Variants in NID1 observed in about 807,000 individuals in gnomAD.
NID1 encodes nidogen 1, also known as nidogen-1.
Under a neutral mutation model 130.6 loss-of-function variants are expected in NID1, and 76 were observed. That is an observed-to-expected ratio of 0.58 (90% confidence interval 0.48 to 0.70). NID1 has a LOEUF of 0.70. Among genes scored for constraint, NID1 ranks in the 30% least tolerant of loss-of-function variants. The pLI, the probability that NID1 is intolerant of heterozygous loss-of-function variation, is 0.00. For synonymous variants in NID1, 665 were observed against 675.1 expected (o/e 0.98, Z 0.23); for missense variants, 1,517 against 1,664.8 (o/e 0.91, Z 1.54).
At position 236,031,877 on chromosome 1, in the gene NID1, A is replaced by G. The variant is rs186286024; in HGVS notation, c.1537+524T>C. 1.5e-3 allele frequency among the ~76,000 whole-genome samples: 221 copies of G among 152,336 alleles called. 1 individual carries two copies. The highest frequency in any genetic ancestry group is 5.0e-3 in the African/African-American group (209 of 41,568). On this transcript the variant is annotated intron_variant, in intron 6 of 19. Coordinates refer to ENST00000264187, the MANE Select transcript of NID1 (RefSeq NM_002508.3). The stretch of plus-strand genomic sequence containing the variant: ...ACAGTCTCTAAAAAACTCCAAGGAT[A>G]TCTAGGCTTCCTAAGACTTCTGAGG...
At chr1:236,037,971 C>A (rs1318523174) in intron 5 of NID1, 133 bp downstream of exon 5, 1 of 1,024,268 alleles carries the variant, frequency 9.8e-7, no homozygotes. Context: ...AAAGAGAGAC[C>A]ATGTATGGCT....
intron 1 of NID1, among the ~76,000 whole-genome samples, chr1:236,063,712 AGG>A (rs1660109116): frequency 6.6e-6 from 1 of 152,172 alleles, no homozygotes; most frequent in Non-Finnish European, 1.5e-5. Flanking sequence ...GCTTGAGCCA[AGG>A]AGTTGGAGGC....
chr1:236,060,920 T>G (rs1458602360), intron 1 of NID1: 4 of 152,124 alleles, frequency 2.6e-5, no homozygotes, highest in Admixed American at 6.5e-5. Flanking sequence ...AACCTGAATA[T>G]AGATATCAGA....
chr1:236,017,847 C>T (rs1197230637), intron 9 of NID1, among the ~76,000 whole-genome samples: 2 of 152,096 alleles, frequency 1.3e-5, no homozygotes, highest in Non-Finnish European at 2.9e-5. Flanking sequence ...CGAGTCTTTC[C>T]CATTAGATTG....
rs1040976715 is a variant in NID1, at chr1:236,025,774, A to G, written c.1984+122T>C. ...AACAAGACATTCTTTTTTTCCTGCCAGAAGATACTTTAGCATAATTTTCTT... is the reference window on the plus strand; with the variant it reads ...AACAAGACATTCTTTTTTTCCTGCCGGAAGATACTTTAGCATAATTTTCTT... On this transcript the variant is annotated intron_variant, in intron 8 of 19. Coordinates refer to ENST00000264187, the MANE Select transcript of NID1 (RefSeq NM_002508.3). 41 of 1,329,552 alleles carry G rather than the reference A, an allele frequency of 3.1e-5. No homozygotes were observed. The African/African-American group carries it at 3.2e-4, about 10-fold the overall frequency. 82.4% of individuals were successfully genotyped at this position (1,329,552 alleles called of 1,614,324 possible).
At chr1:236,008,645 C>T (rs1658319789) in intron 12 of NID1, among the ~76,000 whole-genome samples, 1 of 151,768 alleles carries the variant, frequency 6.6e-6, no homozygotes, top group African/African-American at 2.4e-5. Flanking sequence ...GGATTACAGG[C>T]ATGCACCACC....
In NID1 at chr1:236,031,716, C is replaced by T. The variant is rs139954060; in HGVS notation, c.1537+685G>A. ...CAGACTCCTCCAACCCAGCTGTTCTCGGGAATGGGTCTCCAGCATGCAAAG... is the reference window on the plus strand; with the variant it reads ...CAGACTCCTCCAACCCAGCTGTTCTTGGGAATGGGTCTCCAGCATGCAAAG... On this transcript the variant is annotated intron_variant, in intron 6 of 19. Coordinates refer to ENST00000264187, the MANE Select transcript of NID1 (RefSeq NM_002508.3). Among the ~76,000 whole-genome samples, 562 of 152,262 alleles carry T rather than the reference C, an allele frequency of 3.7e-3. 2 individuals carry two copies. Among genetic ancestry groups the T allele is most frequent in the African/African-American group, 0.013 (538 of 41,546 alleles).
intron 9 of NID1, among the ~76,000 whole-genome samples, chr1:236,022,627 T>C (rs61833491): frequency 0.6 from 90,200 of 150,612 alleles, 28,076 homozygotes; most frequent in East Asian, 0.76. Context: ...TGTGAGCCAC[T>C]GCGCCTGGCC....
At chr1:235,991,138 C>G (rs540843863) in intron 13 of NID1, 80 bp from the exon 14 acceptor site, 32 of 1,153,764 alleles carry the variant, frequency 2.8e-5, no homozygotes, top group Non-Finnish European at 2.9e-5. Context: ...CCCCCACACA[C>G]ATGCACGCAT....
At chr1:236,035,050 AG>A (rs1659213972) in intron 5 of NID1, among the ~76,000 whole-genome samples, 3 of 138,082 alleles carry the variant, frequency 2.2e-5, no homozygotes. Context: ...TGTGCAGGTT[AG>A]TTACATATGT....
intron 12 of NID1, among the ~76,000 whole-genome samples, chr1:235,998,222 G>A (rs1374777471): frequency 6.6e-6 from 1 of 152,204 alleles, no homozygotes; most frequent in African/African-American, 2.4e-5. Flanking sequence ...CCCTTGGTGA[G>A]AAGCAGTTAG....
At position 235,993,796 on chromosome 1, in the gene NID1, G is replaced by A; in HGVS notation, c.2604C>T (p.Pro868=). Residue 868 remains proline (P), a synonymous_variant, in exon 13 of 20, where the codon CCC becomes CCT. Transcript: ENST00000264187. Reference sequence around the variant, plus strand: ...CAGGAACGAACAGCCCCGGAGGAATGGGTCGCTGTGGGTCTGTCGCCCCCG... The same window carrying A: ...CAGGAACGAACAGCCCCGGAGGAATAGGTCGCTGTGGGTCTGTCGCCCCCG... The part of the protein sequence containing the change: ...GAAGATDPQR[P]IPPGLFVPEC... 3 of 1,614,162 alleles carry A rather than the reference G, an allele frequency of 1.9e-6. No individual in the cohort carries two copies. Among genetic ancestry groups the A allele is most frequent in the Non-Finnish European group, 2.5e-6 (3 of 1,180,030 alleles).
In NID1 at chr1:236,032,353, T is replaced by A. The variant is rs376157344; in HGVS notation, c.1537+48A>T. 1.5e-4 allele frequency: 241 copies of A among 1,593,916 alleles called. 2 individuals are homozygous for A. The Middle Eastern group carries it at 4.0e-3, about 26-fold the overall frequency. On this transcript the variant is annotated intron_variant, in intron 6 of 19. Transcript: ENST00000264187. ...TTCCATCCATCCCCAGGCCTCCCCC[T>A]AGGCACTACTGTGTGACCCACTAAT...
At chr1:236,005,285 T>C (rs906659954) in intron 12 of NID1, among the ~76,000 whole-genome samples, 6 of 152,198 alleles carry the variant, frequency 3.9e-5, no homozygotes, top group Non-Finnish European at 7.3e-5. Context: ...ATGCTTTTTT[T>C]TTTTATTTTT....
intron 1 of NID1, among the ~76,000 whole-genome samples, chr1:236,064,150 T>C (rs575637793): frequency 2.0e-5 from 3 of 152,112 alleles, no homozygotes; most frequent in African/African-American, 7.2e-5. Flanking sequence ...TTCAACAAGT[T>C]GACAGCGACC....
At chr1:236,028,585 T>C (rs1016265962) in intron 7 of NID1, among the ~76,000 whole-genome samples, 3 of 152,168 alleles carry the variant, frequency 2.0e-5, no homozygotes, top group Non-Finnish European at 1.5e-5. Context: ...AACTGTACTG[T>C]GGCCTTGTAA....
chr1:235,985,519 C>G lies in NID1; in HGVS notation c.2929-14G>C, dbSNP rs372214248. 1.2e-6 allele frequency: 2 copies of G among 1,613,730 alleles called. No individual in the cohort carries two copies. Among genetic ancestry groups the G allele is most frequent in the African/African-American group, 2.7e-5 (2 of 74,882 alleles). On this transcript the variant is annotated splice_polypyrimidine_tract_variant and intron_variant, in intron 14 of 19. Coordinates refer to ENST00000264187, the MANE Select transcript of NID1 (RefSeq NM_002508.3). ...GATGACTTTAGCCTGGATGTGAAGA[C>G]CAGTGGTTAGAATGGTCCATCTACA...
Position 236,026,011 on chromosome 1 carries a change from G to A in NID1, c.1869C>T (p.Ser623=). 2 of 1,613,746 alleles carry A rather than the reference G, an allele frequency of 1.2e-6. No individual in the cohort carries two copies. Among genetic ancestry groups the A allele is most frequent in the Non-Finnish European group, 1.7e-6 (2 of 1,179,974 alleles). Residue 623 remains serine (S), a synonymous_variant, in exon 8 of 20, where the codon TCC becomes TCT. Transcript: ENST00000264187. ...ITFQECVHDD[S]RPALPSTQQL... ...GCTGGGTGCTGGGCAGGGCTGGCCG[G>A]GAGTCATCGTGGACGCATTCCTGGA...
At chr1:236,016,949 A>G (rs1299454416) in intron 10 of NID1, among the ~76,000 whole-genome samples, 199 bp downstream of exon 10, 3 of 152,204 alleles carry the variant, frequency 2.0e-5, no homozygotes, top group Admixed American at 1.3e-4. Context: ...AGTGTAGGCA[A>G]TAATGTTGCT....
Sources: gnomAD v4.1 joint callset for allele counts (sites outside exome capture counted in the v4.1 genomes callset) on GRCh38, gnomAD v4.1.1 for gene constraint, MANE v1.5 for transcripts, NCBI Gene and HGNC (gene_info 2026-07-23, HGNC 2026-07-21) for gene names.